The following SH2B3 variants were observed in gnomAD, a reference collection of about 807,000 sequenced individuals.
SH2B3 encodes SH2B adaptor protein 3, also known as SH2B adapter protein 3.
SH2B3 carries 43 observed loss-of-function variants against 51.9 expected under a neutral mutation model. The observed-to-expected ratio is 0.83, with a 90% CI of 0.65 to 1.07. The LOEUF (loss-of-function observed/expected upper bound fraction) is 1.07. Ranked by LOEUF, SH2B3 falls within the 50% of genes least tolerant of loss-of-function variation. The probability of loss-of-function intolerance (pLI) is 0.00; values close to 1 mark genes in which losing one functional copy is unlikely to be tolerated. For missense variants in SH2B3, 952 were observed against 834.3 expected (o/e 1.14, Z -1.74); for synonymous variants, 396 against 376.0 (o/e 1.05, Z -0.62).
At chr12:111,416,295 A>C (rs1357914678) in intron 1 of SH2B3, among the ~76,000 whole-genome samples, 2 of 152,068 alleles carry the variant, frequency 1.3e-5, no homozygotes, top group Non-Finnish European at 2.9e-5. Flanking sequence ...CATGGAAATA[A>C]CAACAATGTC....
chr12:111,406,475 C>G lies in SH2B3; in HGVS notation c.-28+198C>G, dbSNP rs1870256586. 6.6e-6 allele frequency among the ~76,000 whole-genome samples: 1 copy of G among 152,198 alleles called. No individual in the cohort carries two copies. Among genetic ancestry groups the G allele is most frequent in the Admixed American group, 6.5e-5 (1 of 15,290 alleles). On this transcript the variant is annotated intron_variant, in intron 1 of 7. Coordinates refer to ENST00000341259, the MANE Select transcript of SH2B3 (RefSeq NM_005475.3). The surrounding 1 kb of genome is among the most constrained non-coding windows in gnomAD (Gnocchi z 5.7). ...TACGACCCCCCACTCAGCCACTACC[C>G]CCACCCACACACGTGTTAGGGAGAG... is the stretch of plus-strand genomic sequence containing the variant.
At position 111,410,865 on chromosome 12, in the gene SH2B3, C is replaced by G. The variant is rs1870645162; in HGVS notation, c.-28+4588C>G. 6.6e-6 allele frequency among the ~76,000 whole-genome samples: 1 copy of G among 152,154 alleles called. No individual in the cohort carries two copies. Among genetic ancestry groups the G allele is most frequent in the East Asian group, 1.9e-4 (1 of 5,186 alleles). ...CCACAACTCTCTGGGCCTCCTTAGG[C>G]CACAGGGTCTGGACTCTATGAACAG... is the stretch of plus-strand genomic sequence containing the variant. On this transcript the variant is annotated intron_variant, in intron 1 of 7. Transcript: ENST00000341259. The surrounding 1 kb of genome is among the most constrained non-coding windows in gnomAD (Gnocchi z 4.9).
intron 2 of SH2B3, among the ~76,000 whole-genome samples, chr12:111,422,016 C>T (rs1413320422): frequency 2.0e-5 from 3 of 152,108 alleles, no homozygotes; most frequent in African/African-American, 4.8e-5. Flanking sequence ...CGGCAGTGGG[C>T]GAGAGTTCCG....
At chr12:111,445,043 T>G (rs1244928177) in intron 2 of SH2B3, among the ~76,000 whole-genome samples, 1 of 152,222 alleles carries the variant, frequency 6.6e-6, no homozygotes, top group Non-Finnish European at 1.5e-5. Context: ...TTTTCACCAC[T>G]GCCTGCCTGC....
intron 2 of SH2B3, among the ~76,000 whole-genome samples, chr12:111,441,109 CAT>C (rs1462661032): frequency 6.6e-6 from 1 of 152,058 alleles, no homozygotes; most frequent in African/African-American, 2.4e-5. Context: ...AAAATACACA[CAT>C]ACACACACGT....
At position 111,418,196 on chromosome 12, in the gene SH2B3, C is replaced by A; in HGVS notation, c.51C>A (p.Ala17=). ...QPSSPSSAPS[A]SPAAAPRGWS... ...CCTCGCCCTCTTCCGCGCCCTCAGC[C>A]TCCCCGGCGGCGGCCCCGCGGGGCT... is the stretch of plus-strand genomic sequence containing the variant. Residue 17 remains alanine, a synonymous_variant, in exon 2 of 8, where the codon GCC becomes GCA. Coordinates refer to ENST00000341259, the MANE Select transcript of SH2B3 (RefSeq NM_005475.3). This position sits in a 1 kb window ranked among gnomAD's most constrained non-coding sequence, Gnocchi z 6.7. The A allele has an allele frequency of 6.4e-7, 1 of 1,573,916 alleles. No homozygotes were observed. The highest frequency in any genetic ancestry group is 8.5e-7 in the Non-Finnish European group (1 of 1,170,946).
rs1874003814 is a variant in SH2B3, at chr12:111,446,767, G to T, written c.747G>T (p.Lys249Asn). 1.3e-6 allele frequency: 2 copies of T among 1,549,030 alleles called. No individual in the cohort carries two copies. The highest frequency in any genetic ancestry group is 1.7e-6 in the Non-Finnish European group (2 of 1,145,670). Residue 249 changes from lysine (K) to asparagine (N), a missense_variant, in exon 3 of 8, where the codon AAG becomes AAT. Physicochemically the swap from Lys to Asn is moderately conservative, Grantham distance 94. Transcript: ENST00000341259. Reference protein sequence around the residue: ...LFDPPKSSRPKLQAACSSIQE... With the variant: ...LFDPPKSSRPNLQAACSSIQE... ...TGGTCTCGTAGAGTTCAAGGCCCAA[G>T]CTACAAGCAGCTTGCTCCAGCATCC...
Position 111,445,547 on chromosome 12 carries a change from A to C in SH2B3, c.733-1206A>C, listed in dbSNP as rs77821240. On this transcript the variant is annotated intron_variant, in intron 2 of 7. Coordinates refer to ENST00000341259, the MANE Select transcript of SH2B3 (RefSeq NM_005475.3). ...TCAGGCTGGAATTTTCTAGTCATGCAGCTTTCTAGTGAGAGGCCGCAGTGA... is the reference window on the plus strand; with the variant it reads ...TCAGGCTGGAATTTTCTAGTCATGCCGCTTTCTAGTGAGAGGCCGCAGTGA... 5.8e-3 allele frequency among the ~76,000 whole-genome samples: 880 copies of C among 152,330 alleles called. 10 individuals are homozygous for C. Among genetic ancestry groups the C allele is most frequent in the African/African-American group, 0.02 (828 of 41,588 alleles).
intron 2 of SH2B3, among the ~76,000 whole-genome samples, chr12:111,441,901 A>G (rs1280923039): frequency 2.0e-5 from 3 of 151,806 alleles, no homozygotes; most frequent in Admixed American, 6.6e-5. Context: ...GGTGTCTCTA[A>G]CCTGACTAAA....
Position 111,448,577 on chromosome 12 carries a change from C to T in SH2B3, c.*275C>T, listed in dbSNP as rs1336508761. 3 of 422,058 alleles carry T rather than the reference C, an allele frequency of 7.1e-6. No homozygotes were observed. The highest frequency in any genetic ancestry group is 4.0e-5 in the African/African-American group (2 of 50,082). 26.1% of individuals were successfully genotyped at this position (422,058 alleles called of 1,614,324 possible). ...CCTGCCCGGGGTCCCTATGCCCAGT[C>T]CCCGTTACTCTTAGAGAAAGGAGTT... On this transcript the variant is annotated 3_prime_UTR_variant, in exon 8 of 8. Coordinates refer to ENST00000341259, the MANE Select transcript of SH2B3 (RefSeq NM_005475.3).
At chr12:111,415,425 T>C (rs1187524463) in intron 1 of SH2B3, among the ~76,000 whole-genome samples, 1 of 152,160 alleles carries the variant, frequency 6.6e-6, no homozygotes, top group African/African-American at 2.4e-5. Flanking sequence ...TCTGGTGATG[T>C]TGTGCCTAAG....
Position 111,447,231 on chromosome 12 carries a change from A to G in SH2B3, c.1021+12A>G. ...TTCCCTTAACCAAGGTGGGTAAACC[A>G]ATAGCTAGGCCATTGTCTTCTGGGT... On this transcript the variant is annotated intron_variant, in intron 5 of 7. Coordinates refer to ENST00000341259, the MANE Select transcript of SH2B3 (RefSeq NM_005475.3). 6.2e-7 allele frequency: 1 copy of G among 1,605,992 alleles called. No homozygotes were observed. The highest frequency in any genetic ancestry group is 8.5e-7 in the Non-Finnish European group (1 of 1,172,616).
rs1446711396 is a variant in SH2B3, at chr12:111,435,926, G to T, written c.733-10827G>T. On this transcript the variant is annotated intron_variant, in intron 2 of 7. Coordinates refer to ENST00000341259, the MANE Select transcript of SH2B3 (RefSeq NM_005475.3). This position sits in a 1 kb window ranked among gnomAD's most constrained non-coding sequence, Gnocchi z 4.8. The stretch of plus-strand genomic sequence containing the variant: ...GGCGTGGGCTGACGGCAGCTGGCAT[G>T]CAGCAGGGGAGGTGTGCTGGGACCA... 6.6e-6 allele frequency among the ~76,000 whole-genome samples: 1 copy of T among 152,240 alleles called. No homozygotes were observed. Among genetic ancestry groups the T allele is most frequent in the Non-Finnish European group, 1.5e-5 (1 of 68,038 alleles).
rs548593303 is a variant in SH2B3, at chr12:111,448,219, C to A, written c.1645C>A (p.Arg549=). ...LQHLEHEPVN[R]ARDSDYEMDS... The stretch of plus-strand genomic sequence containing the variant: ...GCACCTGGAGCATGAGCCTGTGAAT[C>A]GAGCCCGGGACTCGGACTACGAAAT... Residue 549 remains arginine, a synonymous_variant, in exon 8 of 8, where the codon CGA becomes AGA. Transcript: ENST00000341259. 1.8e-5 allele frequency: 29 copies of A among 1,614,150 alleles called. No homozygotes were observed. In the South Asian group the frequency reaches 3.1e-4, roughly 17 times the overall value.
chr12:111,419,204 G>A (rs1203324669), intron 2 of SH2B3, among the ~76,000 whole-genome samples: 1 of 152,160 alleles, frequency 6.6e-6, no homozygotes, highest in East Asian at 1.9e-4. Flanking sequence ...TCGGGAGACT[G>A]AGAAGGGAGG....
chr12:111,444,276 A>G (rs768760499), intron 2 of SH2B3: 5 of 152,238 alleles, frequency 3.3e-5, no homozygotes, highest in Non-Finnish European at 7.3e-5. Flanking sequence ...TGAAATAAAT[A>G]CAAGTCCTAC....
At chr12:111,447,082 C>T (rs764184486) in intron 4 of SH2B3, 43 bp from the exon 5 acceptor site, 4 of 1,608,556 alleles carry the variant, frequency 2.5e-6, no homozygotes, top group Middle Eastern at 1.6e-4. Flanking sequence ...TGCTACCACC[C>T]CTGACCTGCC....
Position 111,418,840 on chromosome 12 carries a change from G to T in SH2B3, c.695G>T (p.Gly232Val). 1 of 1,418,744 alleles carries T rather than the reference G, an allele frequency of 7.0e-7. No homozygotes were observed. The highest frequency in any genetic ancestry group is 1.5e-5 in the South Asian group (1 of 66,972). 87.9% of individuals were successfully genotyped at this position (1,418,744 alleles called of 1,614,324 possible). ...CTGCGCCGGGCCCCGGGCCCCGATG[G>T]CCCCGACCGCGTGCTGGAGCTCTTC... ...LALRRAPGPD[G>V]PDRVLELFDP... The change falls in exon 2 of 8, where the codon GGC (glycine) becomes GTC (valine). Residue 232 changes from glycine (G) to valine (V), a missense_variant. Physicochemically the swap from Gly to Val is moderately radical, Grantham distance 109. Coordinates refer to ENST00000341259, the MANE Select transcript of SH2B3 (RefSeq NM_005475.3). This position sits in a 1 kb window ranked among gnomAD's most constrained non-coding sequence, Gnocchi z 6.7.
chr12:111,447,553 TGG>T lies in SH2B3; in HGVS notation c.1236+12_1236+13del. 1 of 188,588 alleles carries T rather than the reference TGG, an allele frequency of 5.3e-6. No individual in the cohort carries two copies. The allele number at this position is 188,588 out of a possible 1,614,324, so 11.7% of individuals were successfully genotyped here. On this transcript the variant is annotated intron_variant, in intron 6 of 7. Coordinates refer to ENST00000341259, the MANE Select transcript of SH2B3 (RefSeq NM_005475.3). ...TTCAGGGGATAGCCAAGGTATGGGG[TGG>T]GGTGGGGTGGGGTGGGGCAGGCAGG... is the stretch of plus-strand genomic sequence containing the variant.
Sources: allele counts gnomAD v4.1 joint callset (sites outside exome capture counted in the v4.1 genomes callset), GRCh38; gene constraint gnomAD v4.1.1; non-coding constraint Gnocchi (gnomAD v3.1); transcripts MANE v1.5; gene names NCBI Gene and HGNC (gene_info 2026-07-23, HGNC 2026-07-21).